The following MIX23 variants were observed in gnomAD, a reference collection of about 807,000 sequenced individuals.
MIX23 encodes protein MIX23.
A neutral mutation model predicts 21.6 loss-of-function variants in MIX23; 13 were observed. The ratio of observed to expected loss-of-function variants is 0.60; its 90% CI spans 0.39 to 0.96. The LOEUF (loss-of-function observed/expected upper bound fraction) is 0.96. Among genes scored for constraint, MIX23 ranks in the 40% least tolerant of loss-of-function variants. The probability of loss-of-function intolerance (pLI) is 0.00; values close to 1 mark genes in which losing one functional copy is unlikely to be tolerated. For synonymous variants in MIX23, 59 were observed against 58.0 expected (o/e 1.02, Z -0.08); for missense variants, 144 against 171.2 (o/e 0.84, Z 0.89).
intron 2 of MIX23, among the ~76,000 whole-genome samples, chr3:122,370,006 T>A (rs996175629): frequency 6.6e-6 from 1 of 152,138 alleles, no homozygotes; most frequent in African/African-American, 2.4e-5. Context: ...CACCTCAGCC[T>A]CCCAAAGTGT....
At chr3:122,373,465 G>A (rs1463628943) in intron 1 of MIX23, among the ~76,000 whole-genome samples, 1 of 151,984 alleles carries the variant, frequency 6.6e-6, no homozygotes, top group Non-Finnish European at 1.5e-5. Context: ...GTAGAGAGAG[G>A]GTTTCACCAC....
chr3:122,376,162 G>A (rs554812770), intron 1 of MIX23, among the ~76,000 whole-genome samples: 55 of 67,806 alleles, frequency 8.1e-4, no homozygotes, highest in African/African-American at 3.6e-3. Context: ...GAGAGACTCC[G>A]TCTCAAAAAA....
rs1008414047 is a variant in MIX23, at chr3:122,371,777, T to C, written c.75A>G (p.Thr25=). Residue 25 remains threonine (T), a synonymous_variant, in exon 2 of 5, where the codon ACA becomes ACG. Coordinates refer to ENST00000291458, the MANE Select transcript of MIX23 (RefSeq NM_001017928.4). ...EFQELLKVMR[T]IDDRIVHELN... ...ATTCATGTACTATTCTGTCATCAAT[T>C]GTCCTCATCACCTTGAGTAATTCCT... 1 of 1,604,738 alleles carries C rather than the reference T, an allele frequency of 6.2e-7. No individual in the cohort carries two copies. The highest frequency in any genetic ancestry group is 8.5e-7 in the Non-Finnish European group (1 of 1,171,782).
intron 1 of MIX23, among the ~76,000 whole-genome samples, chr3:122,375,336 G>C (rs567775837): frequency 2.0e-5 from 3 of 152,328 alleles, no homozygotes; most frequent in South Asian, 2.1e-4. Context: ...GGGGAGACTG[G>C]GGAAGGAAGA....
At chr3:122,381,461 CACG>C (rs2075530705) in intron 1 of MIX23, among the ~76,000 whole-genome samples, 1 of 152,216 alleles carries the variant, frequency 6.6e-6, no homozygotes, top group African/African-American at 2.4e-5. Context: ...CGCCATGGCT[CACG>C]CCTGTAATCC....
At chr3:122,374,687 G>A (rs914572415) in intron 1 of MIX23, among the ~76,000 whole-genome samples, 1 of 152,158 alleles carries the variant, frequency 6.6e-6, no homozygotes, top group Non-Finnish European at 1.5e-5. Flanking sequence ...TCTAGCATGT[G>A]TCAGGCACCA....
intron 3 of MIX23, 59 bp downstream of exon 3, chr3:122,368,117 C>T: frequency 2.6e-6 from 4 of 1,547,356 alleles, no homozygotes; most frequent in Non-Finnish European, 3.5e-6. Flanking sequence ...AAAAATCTTA[C>T]TTTGAAGGCT....
intron 3 of MIX23, among the ~76,000 whole-genome samples, chr3:122,363,617 G>A (rs541301259): frequency 2.0e-5 from 3 of 151,790 alleles, no homozygotes; most frequent in Admixed American, 2.0e-4. Flanking sequence ...GGACAAGGAA[G>A]TGCAAACCTG....
chr3:122,370,893 A>G (rs2075436639), intron 2 of MIX23, among the ~76,000 whole-genome samples: 1 of 152,228 alleles, frequency 6.6e-6, no homozygotes, highest in Non-Finnish European at 1.5e-5. Context: ...ATCAGTAGTT[A>G]ATGCTCTGAA....
intron 1 of MIX23, among the ~76,000 whole-genome samples, chr3:122,377,722 C>T (rs189644061): frequency 4.2e-4 from 64 of 152,214 alleles, no homozygotes; most frequent in African/African-American, 1.4e-3. Flanking sequence ...GTGGCATGTG[C>T]CTACAGTCCT....
intron 3 of MIX23, chr3:122,367,963 T>C (rs868138052): frequency 3.6e-6 from 2 of 553,592 alleles, no homozygotes; most frequent in African/African-American, 1.9e-5. Flanking sequence ...ACAAAGCTGC[T>C]ATGCTGCATT....
At chr3:122,361,170 A>G (rs1042305919) in intron 4 of MIX23, among the ~76,000 whole-genome samples, 1 of 152,156 alleles carries the variant, frequency 6.6e-6, no homozygotes, top group African/African-American at 2.4e-5. Context: ...CAATTTCTTA[A>G]GCTGAGTGGT....
intron 1 of MIX23, among the ~76,000 whole-genome samples, chr3:122,375,064 G>A (rs947952885): frequency 2.6e-5 from 4 of 152,108 alleles, no homozygotes; most frequent in African/African-American, 9.7e-5. Context: ...AGCTGAGGAG[G>A]TTGAGGCACT....
rs2075502195 is a variant in MIX23, at chr3:122,378,095, A to G, written c.51+5079T>C. Among the ~76,000 whole-genome samples, 4 of 152,210 alleles carry G rather than the reference A, an allele frequency of 2.6e-5. No homozygotes were observed. In the South Asian group the frequency reaches 8.3e-4, roughly 31 times the overall value. The stretch of plus-strand genomic sequence containing the variant: ...AAACATGTGTTTTCTGTTGTGATTA[A>G]GGTTACATGATCAGATCTGTGTTCT... On this transcript the variant is annotated intron_variant, in intron 1 of 4. Coordinates refer to ENST00000291458, the MANE Select transcript of MIX23 (RefSeq NM_001017928.4).
At chr3:122,379,233 T>C (rs779346478) in intron 1 of MIX23, among the ~76,000 whole-genome samples, 5 of 152,154 alleles carry the variant, frequency 3.3e-5, no homozygotes, top group Non-Finnish European at 5.9e-5. Context: ...ATTTCAGCTA[T>C]GAAAAGAAGG....
At chr3:122,378,404 C>A (rs926835839) in intron 1 of MIX23, among the ~76,000 whole-genome samples, 1 of 152,162 alleles carries the variant, frequency 6.6e-6, no homozygotes, top group African/African-American at 2.4e-5. Flanking sequence ...ACCAGTGGAA[C>A]CTATGGATTA....
intron 1 of MIX23, among the ~76,000 whole-genome samples, chr3:122,375,665 A>C (rs934918139): frequency 1.3e-5 from 2 of 152,180 alleles, no homozygotes; most frequent in African/African-American, 2.4e-5. Flanking sequence ...ATCTTGTATA[A>C]TAAAACTTTT....
At chr3:122,370,964 G>C (rs988532696) in intron 2 of MIX23, among the ~76,000 whole-genome samples, 1 of 152,228 alleles carries the variant, frequency 6.6e-6, no homozygotes, top group Non-Finnish European at 1.5e-5. Flanking sequence ...TAGGTTTTAA[G>C]GATGCCTTCT....
chr3:122,375,266 T>C (rs1576237872), intron 1 of MIX23, among the ~76,000 whole-genome samples: 1 of 152,330 alleles, frequency 6.6e-6, no homozygotes, highest in African/African-American at 2.4e-5. Context: ...TAAAATAGCA[T>C]GACTTCCAGG....
Sources: allele counts gnomAD v4.1 joint callset (sites outside exome capture counted in the v4.1 genomes callset), GRCh38; gene constraint gnomAD v4.1.1; transcripts MANE v1.5; gene names NCBI Gene and HGNC (gene_info 2026-07-23, HGNC 2026-07-21).